Variants in FBXL13 observed in about 807,000 individuals in gnomAD.
The protein encoded by FBXL13 is F-box and leucine rich repeat protein 13.
In FBXL13, 67 loss-of-function variants were observed where a neutral mutation model predicts 83.6. The ratio of observed to expected loss-of-function variants is 0.80; its 90% CI spans 0.66 to 0.98. The LOEUF is 0.98. FBXL13 is among the 50% of genes least tolerant of loss of function. The pLI, the probability that FBXL13 is intolerant of heterozygous loss-of-function variation, is 0.00. For missense variants in FBXL13, 822 were observed against 866.5 expected (o/e 0.95, Z 0.64); for synonymous variants, 272 against 299.5 (o/e 0.91, Z 0.95).
At chr7:102,983,735 T>C (rs532499030) in intron 6 of FBXL13, among the ~76,000 whole-genome samples, 1 of 152,062 alleles carries the variant, frequency 6.6e-6, no homozygotes, top group African/African-American at 2.4e-5. Flanking sequence ...ACCCATTCTT[T>C]CCCAGTCAAC....
intron 8 of FBXL13, chr7:102,934,698 C>T (rs1461975502): frequency 6.4e-7 from 1 of 1,560,120 alleles, no homozygotes; most frequent in Non-Finnish European, 8.6e-7. Flanking sequence ...TTGTACTTTT[C>T]TTACTTTTTC....
Position 103,055,631 on chromosome 7 carries a change from A to G in FBXL13, c.-1+13T>C, listed in dbSNP as rs1360405332. ...TAAAATATTTCCCTATCAAAAATCA[A>G]AACAATACTTACCAAAGAAGATTCT... On this transcript the variant is annotated intron_variant, in intron 2 of 19. Coordinates refer to ENST00000313221, the Ensembl canonical transcript of FBXL13. The G allele has an allele frequency of 1.7e-6, 2 of 1,174,862 alleles. No individual in the cohort carries two copies. Among genetic ancestry groups the G allele is most frequent in the Admixed American group, 5.7e-5 (2 of 35,106 alleles). 72.8% of individuals were successfully genotyped at this position (1,174,862 alleles called of 1,614,324 possible).
intron 16 of FBXL13, among the ~76,000 whole-genome samples, chr7:102,864,472 G>A (rs1807338203): frequency 6.6e-6 from 1 of 151,950 alleles, no homozygotes; most frequent in African/African-American, 2.4e-5. Flanking sequence ...GGGTTCAAGC[G>A]ATTTTCCTGC....
At chr7:103,000,652 C>T (rs1297021027) in intron 6 of FBXL13, among the ~76,000 whole-genome samples, 4 of 152,268 alleles carry the variant, frequency 2.6e-5, no homozygotes, top group Middle Eastern at 3.4e-3. Context: ...GATTTTCTGT[C>T]GGCATGATTT....
intron 19 of FBXL13, among the ~76,000 whole-genome samples, chr7:102,816,646 A>C (rs948147368): frequency 5.3e-5 from 8 of 152,178 alleles, no homozygotes; most frequent in Non-Finnish European, 1.2e-4. Context: ...CAGGGTGTAC[A>C]CGTGCAGGTT....
intron 2 of FBXL13, among the ~76,000 whole-genome samples, chr7:103,045,637 T>A (rs113586856): frequency 0.036 from 5,413 of 152,338 alleles, 293 homozygotes; most frequent in African/African-American, 0.12. Flanking sequence ...CTAGGATCTA[T>A]GTGTTTCCGT....
At chr7:103,032,551 C>T (rs1350953747) in intron 2 of FBXL13, among the ~76,000 whole-genome samples, 1 of 152,184 alleles carries the variant, frequency 6.6e-6, no homozygotes, top group Non-Finnish European at 1.5e-5. Context: ...AGAATCCAGA[C>T]AAGGACCATA....
At chr7:103,071,204 A>C (rs1011242167) in intron 1 of FBXL13, among the ~76,000 whole-genome samples, 7 of 152,010 alleles carry the variant, frequency 4.6e-5, no homozygotes, top group African/African-American at 7.2e-5. Context: ...ATGTAGAACA[A>C]GGTAAAGAAA....
intron 8 of FBXL13, chr7:102,944,119 C>T (rs936323793): frequency 1.0e-6 from 1 of 955,406 alleles, no homozygotes; most frequent in Admixed American, 2.8e-5. Flanking sequence ...GAAAATTAAG[C>T]CTCTTTTTAA....
At chr7:103,043,251 C>G (rs1795925884) in intron 2 of FBXL13, among the ~76,000 whole-genome samples, 1 of 152,130 alleles carries the variant, frequency 6.6e-6, no homozygotes, top group Admixed American at 6.5e-5. Flanking sequence ...CAGAGAAATG[C>G]AAATCAAAAC....
chr7:102,861,846 G>A (rs562055921), intron 16 of FBXL13, among the ~76,000 whole-genome samples: 46 of 152,084 alleles, frequency 3.0e-4, no homozygotes, highest in Non-Finnish European at 4.7e-4. Context: ...TCCGGGCATG[G>A]TGGCAGGTGC....
intron 9 of FBXL13, among the ~76,000 whole-genome samples, chr7:102,929,523 G>A (rs1302210319): frequency 4.6e-5 from 7 of 151,984 alleles, no homozygotes; most frequent in Admixed American, 3.3e-4. Context: ...AATTAGCCAG[G>A]TGCAGTGGCA....
At chr7:102,867,327 T>C (rs1015088260) in intron 16 of FBXL13, among the ~76,000 whole-genome samples, 2 of 151,946 alleles carry the variant, frequency 1.3e-5, no homozygotes, top group Non-Finnish European at 2.9e-5. Flanking sequence ...CACTGCACTC[T>C]GGACTAAGTG....
intron 17 of FBXL13, among the ~76,000 whole-genome samples, chr7:102,845,911 C>T (rs577642330): frequency 6.6e-6 from 1 of 152,332 alleles, no homozygotes; most frequent in East Asian, 1.9e-4. Context: ...TTTATCACAG[C>T]ATTATGACTA....
chr7:102,904,092 T>C (rs979891123), intron 11 of FBXL13, among the ~76,000 whole-genome samples: 1 of 151,958 alleles, frequency 6.6e-6, no homozygotes, highest in African/African-American at 2.4e-5. Context: ...TTTAAATGTT[T>C]GGTAGAATTC....
intron 8 of FBXL13, among the ~76,000 whole-genome samples, chr7:102,954,833 A>C (rs1823993974): frequency 6.6e-6 from 1 of 152,240 alleles, no homozygotes; most frequent in African/African-American, 2.4e-5. Flanking sequence ...ATTCAACAAG[A>C]AAAGATAACT....
intron 1 of FBXL13, among the ~76,000 whole-genome samples, chr7:103,063,229 C>T (rs1432754985): frequency 2.0e-5 from 3 of 152,148 alleles, no homozygotes; most frequent in African/African-American, 7.2e-5. Flanking sequence ...CAATCAACCA[C>T]AGATCAAAAA....
At chr7:102,919,246 C>T (rs952540732) in intron 10 of FBXL13, among the ~76,000 whole-genome samples, 13 of 152,218 alleles carry the variant, frequency 8.5e-5, no homozygotes, top group African/African-American at 2.9e-4. Context: ...TTTACCAGAA[C>T]ACTGCTGTTC....
At chr7:102,877,517 T>C in exon 16 of FBXL13, 1 of 1,611,394 alleles carries the variant, frequency 6.2e-7, no homozygotes, top group Non-Finnish European at 8.5e-7. Flanking sequence ...AAGGAAAAGA[T>C]GTTTACAATA....
Sources: gnomAD v4.1 joint callset for allele counts (sites outside exome capture counted in the v4.1 genomes callset) on GRCh38, gnomAD v4.1.1 for gene constraint, MANE v1.5 for transcripts, NCBI Gene and HGNC (gene_info 2026-07-23, HGNC 2026-07-21) for gene names.